HDX: variants seen among roughly 807,000 people sequenced by gnomAD.
HDX encodes the protein highly divergent homeobox, also known as chromosome X open reading frame 43.
In HDX, 19 loss-of-function variants were observed where a neutral mutation model predicts 45.2. The ratio of observed to expected loss-of-function variants is 0.42; its 90% CI spans 0.29 to 0.62. The LOEUF (loss-of-function observed/expected upper bound fraction) is 0.62, where lower values mean the gene tolerates loss of function less well. HDX is among the 20% of genes least tolerant of loss of function. The probability of loss-of-function intolerance (pLI) is 0.20; values close to 1 mark genes in which losing one functional copy is unlikely to be tolerated. For missense variants in HDX, 532 were observed against 493.9 expected (o/e 1.08, Z -0.73); for synonymous variants, 188 against 172.8 (o/e 1.09, Z -0.69).
At chrX:84,490,134 C>T (rs1428402091) in intron 1 of HDX, among the ~76,000 whole-genome samples, 2 of 110,814 alleles carry the variant, frequency 1.8e-5, no homozygotes, top group African/African-American at 6.5e-5. Context: ...GTGGTACATT[C>T]TCCCTCATTA....
chrX:84,461,262 C>T (rs1348480617), intron 4 of HDX, among the ~76,000 whole-genome samples: 1 of 111,548 alleles, frequency 9.0e-6, no homozygotes, highest in East Asian at 2.8e-4. Context: ...CATTACCTGA[C>T]TTCAAATTAT....
chrX:84,495,745 AT>A (rs780641205), intron 1 of HDX, among the ~76,000 whole-genome samples: 9 of 111,465 alleles, frequency 8.1e-5, no homozygotes, highest in Non-Finnish European at 1.5e-4. Context: ...TGTAGGAAAA[AT>A]TTTGCTTTTG....
At chrX:84,416,895 C>T (rs774461569) in intron 5 of HDX, among the ~76,000 whole-genome samples, 1 of 111,000 alleles carries the variant, frequency 9.0e-6, no homozygotes, top group East Asian at 2.8e-4. Flanking sequence ...TGGCTCACAC[C>T]TGTAATCCCA....
intron 1 of HDX, among the ~76,000 whole-genome samples, chrX:84,501,969 G>C (rs2041129307): frequency 9.0e-6 from 1 of 111,685 alleles, no homozygotes. Flanking sequence ...CTACTGTCCA[G>C]TGAAATCTAG....
In HDX at chrX:84,475,232, G is replaced by A. The variant is rs1267028853; in HGVS notation, c.147+19C>T. The A allele has an allele frequency of 7.7e-6, 9 of 1,168,414 alleles. No individual in the cohort carries two copies. The highest frequency in any genetic ancestry group is 3.0e-5 in the East Asian group (1 of 32,839). ...GTAATAAGAAGCTTTAAATTTGAGTGTAAGACCTCAATACTTACCCTGACT... is the reference window on the plus strand; with the variant it reads ...GTAATAAGAAGCTTTAAATTTGAGTATAAGACCTCAATACTTACCCTGACT... On this transcript the variant is annotated intron_variant, in intron 3 of 10. Transcript: ENST00000373177.
chrX:84,324,035 C>A (rs1488444086), intron 10 of HDX, among the ~76,000 whole-genome samples: 1 of 112,248 alleles, frequency 8.9e-6, no homozygotes, highest in Non-Finnish European at 1.9e-5. Flanking sequence ...AGTGAATTAT[C>A]AGGGGAAGCA....
At chrX:84,327,598 A>T (rs1011822020) in intron 9 of HDX, among the ~76,000 whole-genome samples, 1 of 111,432 alleles carries the variant, frequency 9.0e-6, no homozygotes, top group African/African-American at 3.3e-5. Flanking sequence ...TGCAAAAAAA[A>T]AGTTATCGGC....
intron 5 of HDX, among the ~76,000 whole-genome samples, chrX:84,435,360 T>C (rs1391548465): frequency 9.0e-6 from 1 of 111,450 alleles, no homozygotes; most frequent in African/African-American, 3.3e-5. Flanking sequence ...AAATGTCTTC[T>C]TTTGAGAAAT....
At chrX:84,480,038 G>C (rs2040643687) in intron 2 of HDX, among the ~76,000 whole-genome samples, 1 of 111,167 alleles carries the variant, frequency 9.0e-6, no homozygotes, top group Non-Finnish European at 1.9e-5. Context: ...TCTTTTACTA[G>C]AGATTTATAG....
Position 84,318,151 on chromosome X carries a change from T to C in HDX, c.*3738A>G, listed in dbSNP as rs1034021256. The stretch of plus-strand genomic sequence containing the variant: ...TTTACTCTTTTTTCCCCCTAGCAAA[T>C]CTGTTCTTAATCAAAGTTTGTTTTC... On this transcript the variant is annotated 3_prime_UTR_variant, in exon 11 of 11. Transcript: ENST00000373177. 9.0e-6 allele frequency: 1 copy of C among 110,863 alleles called. No individual in the cohort carries two copies. The highest frequency in any genetic ancestry group is 1.9e-5 in the Non-Finnish European group (1 of 52,492). The allele number at this position is 110,863 out of a possible 1,213,427, so 9.1% of individuals were successfully genotyped here.
At chrX:84,362,727 C>A (rs1417880461) in intron 5 of HDX, among the ~76,000 whole-genome samples, 3 of 111,138 alleles carry the variant, frequency 2.7e-5, no homozygotes, top group Non-Finnish European at 5.7e-5. Context: ...ACTCCTTAGA[C>A]ATACAATGTT....
At chrX:84,370,698 A>G (rs938552813) in intron 5 of HDX, among the ~76,000 whole-genome samples, 23 of 112,359 alleles carry the variant, frequency 2.0e-4, no homozygotes, top group Non-Finnish European at 3.7e-5. Flanking sequence ...TCTTACAAGC[A>G]GTGTCAATCA....
intron 5 of HDX, among the ~76,000 whole-genome samples, chrX:84,379,201 A>G (rs1250872293): frequency 9.1e-6 from 1 of 109,676 alleles, no homozygotes; most frequent in East Asian, 2.8e-4. Flanking sequence ...GATTTTATAT[A>G]TATATAATCA....
chrX:84,458,010 G>A (rs1248757260), intron 4 of HDX, among the ~76,000 whole-genome samples: 2 of 111,739 alleles, frequency 1.8e-5, no homozygotes, highest in Non-Finnish European at 1.9e-5. Flanking sequence ...TGAACCAGAA[G>A]TTCATACTGC....
chrX:84,339,737 C>T (rs2037045300), intron 7 of HDX, among the ~76,000 whole-genome samples: 1 of 110,855 alleles, frequency 9.0e-6, no homozygotes, highest in South Asian at 3.7e-4. Context: ...TGTATGTACT[C>T]CCACTAAGTA....
intron 5 of HDX, among the ~76,000 whole-genome samples, chrX:84,417,019 G>T (rs767512623): frequency 9.2e-6 from 1 of 109,289 alleles, no homozygotes; most frequent in South Asian, 4.0e-4. Flanking sequence ...GCCGGGCATG[G>T]TGGTGGGAGC....
At chrX:84,360,726 G>A (rs1246704274) in intron 6 of HDX, among the ~76,000 whole-genome samples, 5 of 111,379 alleles carry the variant, frequency 4.5e-5, no homozygotes, top group African/African-American at 1.6e-4. Flanking sequence ...AGGTTCATCC[G>A]TTTTATAGCA....
chrX:84,380,581 A>G (rs1268927910), intron 5 of HDX, among the ~76,000 whole-genome samples: 1 of 111,663 alleles, frequency 9.0e-6, no homozygotes, highest in Non-Finnish European at 1.9e-5. Flanking sequence ...TATGAAAATC[A>G]GTCAATGTGA....
At chrX:84,414,651 G>C in intron 5 of HDX, among the ~76,000 whole-genome samples, 1 of 111,544 alleles carries the variant, frequency 9.0e-6, no homozygotes, top group East Asian at 2.8e-4. Flanking sequence ...TCCCTTTCCT[G>C]ATGATAATAC....
Sources: allele counts gnomAD v4.1 joint callset (sites outside exome capture counted in the v4.1 genomes callset), GRCh38; gene constraint gnomAD v4.1.1; transcripts MANE v1.5; gene names NCBI Gene and HGNC (gene_info 2026-07-23, HGNC 2026-07-21).